ST3GAL2: variants seen among roughly 807,000 people sequenced by gnomAD.
The protein encoded by ST3GAL2 is CMP-N-acetylneuraminate-beta-galactosamide-alpha-2,3-sialyltransferase 2.
Under a neutral mutation model 37.5 loss-of-function variants are expected in ST3GAL2, and 16 were observed. The observed-to-expected ratio is 0.43, with a 90% CI of 0.29 to 0.65. The LOEUF is 0.65. Ranked by LOEUF, ST3GAL2 falls within the 30% of genes least tolerant of loss-of-function variation. The probability of loss-of-function intolerance (pLI) is 0.17; values close to 1 mark genes in which losing one functional copy is unlikely to be tolerated. For synonymous variants in ST3GAL2, 238 were observed against 202.9 expected, an observed-to-expected ratio of 1.17 and a Z score of -1.47; for missense variants, 383 against 487.8, an observed-to-expected ratio of 0.79 and a Z score of 2.02.
rs1201463502 is a variant in ST3GAL2 at position 70,380,119 on chromosome 16, C to T, written c.*1570G>A. 6.6e-6 allele frequency: 1 copy of T among 152,192 alleles called. No individual in the cohort carries two copies. The highest frequency in any genetic ancestry group is 1.9e-4 in the East Asian group (1 of 5,178). The allele number at this position is 152,192 out of a possible 1,614,324, so 9.4% of individuals were successfully genotyped here. A position where few individuals can be genotyped will look rare whatever the true frequency, so the allele number is the denominator to read the frequency against. ...AAACGGTGGGGGAGGGGGGAGCGCCCTGAGAGAGGCATTCTACTAACCCCA... is the reference window on the plus strand; with the variant it reads ...AAACGGTGGGGGAGGGGGGAGCGCCTTGAGAGAGGCATTCTACTAACCCCA... On this transcript the variant is annotated 3_prime_UTR_variant, in exon 7 of 7. Transcript: ENST00000342907.
At chr16:70,403,060 T>C (rs1235437148) in intron 1 of ST3GAL2, among the ~76,000 whole-genome samples, 1 of 152,230 alleles carries the variant, frequency 6.6e-6, no homozygotes, top group Non-Finnish European at 1.5e-5. Flanking sequence ...GGTTAAAACA[T>C]GTTTTATTAA....
intron 1 of ST3GAL2, among the ~76,000 whole-genome samples, chr16:70,408,521 T>C (rs1296221228): frequency 6.6e-6 from 1 of 152,056 alleles, no homozygotes; most frequent in Non-Finnish European, 1.5e-5. Context: ...ACCACCCTGC[T>C]TGGTTAACTG....
intron 1 of ST3GAL2, chr16:70,423,177 C>A (rs1354836851): frequency 6.6e-6 from 1 of 152,260 alleles, no homozygotes; most frequent in African/African-American, 2.4e-5. Context: ...CAGATCTCCC[C>A]CCGGGCCATT....
chr16:70,426,805 T>C (rs1391665736), intron 1 of ST3GAL2, among the ~76,000 whole-genome samples: 1 of 152,180 alleles, frequency 6.6e-6, no homozygotes, highest in Non-Finnish European at 1.5e-5. Context: ...CCACCGCGCC[T>C]GGCCCAAAAG....
At position 70,388,644 on chromosome 16, in the gene ST3GAL2, G is replaced by A. The variant is rs561227486; in HGVS notation, c.534-98C>T. The A allele has an allele frequency of 5.0e-5, 68 of 1,347,020 alleles. No individual in the cohort carries two copies. The East Asian group carries it at 1.1e-3, about 23-fold the overall frequency. 83.4% of individuals were successfully genotyped at this position (1,347,020 alleles called of 1,614,324 possible). A position where few individuals can be genotyped will look rare whatever the true frequency, so the allele number is the denominator to read the frequency against. On this transcript the variant is annotated intron_variant, in intron 3 of 6. Transcript: ENST00000342907. Reference sequence around the variant, plus strand: ...GAAGCCATCCATCAAAAATGCAAACGGGTGTATACTCCAACCTAGCAATTC... The same window carrying A: ...GAAGCCATCCATCAAAAATGCAAACAGGTGTATACTCCAACCTAGCAATTC...
intron 1 of ST3GAL2, among the ~76,000 whole-genome samples, chr16:70,422,587 T>A (rs1262948544): frequency 6.6e-6 from 1 of 152,048 alleles, no homozygotes; most frequent in Admixed American, 6.6e-5. Context: ...AGTCCCAAAC[T>A]TCACTCCCGA....
intron 1 of ST3GAL2, among the ~76,000 whole-genome samples, chr16:70,416,084 T>C (rs2047675239): frequency 1.3e-5 from 2 of 152,032 alleles, no homozygotes; most frequent in South Asian, 4.1e-4. Flanking sequence ...CTTCCAAGAT[T>C]CTTTAACAAT....
intron 1 of ST3GAL2, among the ~76,000 whole-genome samples, chr16:70,432,159 T>C (rs1348234250): frequency 6.6e-6 from 1 of 152,030 alleles, no homozygotes; most frequent in Non-Finnish European, 1.5e-5. Flanking sequence ...TTAGCATGAT[T>C]GGTAAAATTT....
Position 70,398,408 on chromosome 16 carries a change from G to C in ST3GAL2, c.123C>G (p.Ala41=), listed in dbSNP as rs144431662. Residue 41 remains alanine (A), a synonymous_variant, in exon 2 of 7, where the codon GCC becomes GCG. Coordinates refer to ENST00000342907, the MANE Select transcript of ST3GAL2 (RefSeq NM_006927.4). ...GCTTCACCCGGTGCGTCCCATCCAG[G>C]GCCCCTGAGTCCAGGTAGGGGAGCG... The part of the protein sequence containing the change: ...MATLPYLDSG[A]LDGTHRVKLV... 7.4e-6 allele frequency: 12 copies of C among 1,613,726 alleles called. No homozygotes were observed. The African/African-American group carries it at 1.6e-4, about 21-fold the overall frequency.
At chr16:70,387,981 G>A (rs1167671162) in intron 4 of ST3GAL2, among the ~76,000 whole-genome samples, 1 of 151,748 alleles carries the variant, frequency 6.6e-6, no homozygotes, top group African/African-American at 2.4e-5. Flanking sequence ...GCGTGGTGGT[G>A]CATCCCTATA....
intron 1 of ST3GAL2, among the ~76,000 whole-genome samples, chr16:70,409,758 C>T (rs1016234414): frequency 2.0e-5 from 3 of 151,954 alleles, no homozygotes; most frequent in Non-Finnish European, 2.9e-5. Context: ...CTACCTCAGG[C>T]CCCCGAGTAG....
chr16:70,397,972 A>G (rs2047528371), intron 2 of ST3GAL2, among the ~76,000 whole-genome samples: 2 of 152,186 alleles, frequency 1.3e-5, no homozygotes, highest in Non-Finnish European at 2.9e-5. Context: ...CTGGTCCAGG[A>G]GGCATTTCTG....
intron 4 of ST3GAL2, among the ~76,000 whole-genome samples, chr16:70,383,597 G>A (rs1371344845): frequency 6.6e-6 from 1 of 150,794 alleles, no homozygotes; most frequent in African/African-American, 2.4e-5. Context: ...GTGGGGAGGG[G>A]AAGGGAAAGG....
intron 6 of ST3GAL2, among the ~76,000 whole-genome samples, 194 bp downstream of exon 6, chr16:70,382,605 TTTTGGA>T (rs1213346299): frequency 6.6e-6 from 1 of 152,122 alleles, no homozygotes; most frequent in African/African-American, 2.4e-5. Flanking sequence ...AATGAAGAGA[TTTTGGA>T]TTTGGTAGAA....
In ST3GAL2 at chr16:70,381,434, A is replaced by C; in HGVS notation, c.*255T>G. The C allele has an allele frequency of 2.1e-6, 1 of 467,316 alleles. No homozygotes were observed. The highest frequency in any genetic ancestry group is 3.8e-6 in the Non-Finnish European group (1 of 261,396). The allele number at this position is 467,316 out of a possible 1,614,324, so 28.9% of individuals were successfully genotyped here. On this transcript the variant is annotated 3_prime_UTR_variant, in exon 7 of 7. Coordinates refer to ENST00000342907, the MANE Select transcript of ST3GAL2 (RefSeq NM_006927.4). ...GGCCGCTGGCCCGCCCCCGAAGGCCATTGATTGGAGGAGACTGGACACAGC... is the reference window on the plus strand; with the variant it reads ...GGCCGCTGGCCCGCCCCCGAAGGCCCTTGATTGGAGGAGACTGGACACAGC...
At chr16:70,429,971 G>T (rs567788552) in intron 1 of ST3GAL2, among the ~76,000 whole-genome samples, 1 of 152,292 alleles carries the variant, frequency 6.6e-6, no homozygotes, top group South Asian at 2.1e-4. Flanking sequence ...AGCTAAGGCA[G>T]CAAGAATCCT....
At chr16:70,419,003 G>A (rs891496608) in intron 1 of ST3GAL2, among the ~76,000 whole-genome samples, 6 of 152,146 alleles carry the variant, frequency 3.9e-5, no homozygotes, top group African/African-American at 1.4e-4. Flanking sequence ...CAACCCGGGC[G>A]AGTCGCACAA....
At chr16:70,422,236 C>A (rs112523097) in intron 1 of ST3GAL2, among the ~76,000 whole-genome samples, 6 of 152,316 alleles carry the variant, frequency 3.9e-5, no homozygotes, top group South Asian at 2.1e-4. Flanking sequence ...ACTGACCTCA[C>A]GCACTCCCTG....
chr16:70,438,320 G>A (rs546987573), intron 1 of ST3GAL2, among the ~76,000 whole-genome samples: 12 of 152,302 alleles, frequency 7.9e-5, no homozygotes, highest in African/African-American at 2.9e-4. Context: ...AGGCAGAGAA[G>A]GAACAGGAGA....
Sources: gnomAD v4.1 joint callset for allele counts (sites outside exome capture counted in the v4.1 genomes callset) on GRCh38, gnomAD v4.1.1 for gene constraint, MANE v1.5 for transcripts, NCBI Gene and HGNC (gene_info 2026-07-23, HGNC 2026-07-21) for gene names.